The following PSD2 variants were observed in gnomAD, a reference collection of about 807,000 sequenced individuals.
PSD2 encodes PH and SEC7 domain-containing protein 2.
Under a neutral mutation model 69.8 loss-of-function variants are expected in PSD2, and 38 were observed. That is an observed-to-expected ratio of 0.54 (90% CI 0.42 to 0.71). The LOEUF is 0.71. Among genes scored for constraint, PSD2 ranks in the 30% least tolerant of loss-of-function variants. The pLI, the probability that PSD2 is intolerant of heterozygous loss-of-function variation, is 0.00. For missense variants in PSD2, 943 were observed against 1,014.5 expected, an observed-to-expected ratio of 0.93 and a Z score of 0.96; for synonymous variants, 412 against 423.0, an observed-to-expected ratio of 0.97 and a Z score of 0.32.
intron 1 of PSD2, among the ~76,000 whole-genome samples, chr5:139,801,669 A>G (rs1430363001): frequency 1.3e-5 from 2 of 152,074 alleles, no homozygotes; most frequent in African/African-American, 4.8e-5. Flanking sequence ...CAGCCCCCAA[A>G]TTTAAATCCC....
At chr5:139,785,329 T>C in the PSD2 span, among the ~76,000 whole-genome samples, 1 of 151,846 alleles carries the variant, frequency 6.6e-6, no homozygotes, top group Non-Finnish European at 1.5e-5. Flanking sequence ...GTTTAAGCAA[T>C]CCTCCTGCCT....
At position 139,814,068 on chromosome 5, in the gene PSD2, C is replaced by T. The variant is rs1760050716; in HGVS notation, c.822-102C>T. On this transcript the variant is annotated intron_variant, in intron 3 of 14. Transcript: ENST00000274710. The surrounding 1 kb of genome is among the most constrained non-coding windows in gnomAD (Gnocchi z 4.4). Reference sequence around the variant, plus strand: ...GTGGAGCTTCTTTCCCTGTTCTGGCCCCTACATGGTTTGCAGTGGCCTGGG... The same window carrying T: ...GTGGAGCTTCTTTCCCTGTTCTGGCTCCTACATGGTTTGCAGTGGCCTGGG... 2 of 1,113,340 alleles carry T rather than the reference C, an allele frequency of 1.8e-6. No homozygotes were observed. Among genetic ancestry groups the T allele is most frequent in the Admixed American group, 2.3e-5 (1 of 44,440 alleles). The allele number at this position is 1,113,340 out of a possible 1,614,324, so 69.0% of individuals were successfully genotyped here.
the PSD2 span, among the ~76,000 whole-genome samples, chr5:139,779,045 T>G: frequency 6.6e-6 from 1 of 151,526 alleles, no homozygotes; most frequent in African/African-American, 2.4e-5. Flanking sequence ...AAAGGTGCGC[T>G]GCATTTGCCT....
chr5:139,826,235 T>G (rs766053551), intron 7 of PSD2, among the ~76,000 whole-genome samples: 32 of 151,762 alleles, frequency 2.1e-4, no homozygotes, highest in Non-Finnish European at 4.4e-4. Flanking sequence ...GAGGCGAGGG[T>G]GTGGTGGCCA....
At chr5:139,795,324 G>A (rs1264439074), upstream of PSD2, among the ~76,000 whole-genome samples, 2 of 151,788 alleles carry the variant, frequency 1.3e-5, no homozygotes, top group African/African-American at 4.8e-5. The surrounding 1 kb of genome is among the most constrained non-coding windows in gnomAD (Gnocchi z 4.5). Flanking sequence ...CCTTGGCGGC[G>A]TCTCCCGGGG....
intron 2 of PSD2, among the ~76,000 whole-genome samples, chr5:139,811,205 T>A (rs905143875): frequency 3.3e-5 from 5 of 152,194 alleles, no homozygotes; most frequent in Admixed American, 6.5e-5. Context: ...CCTTTTAGAT[T>A]TCTGTCCCCC....
chr5:139,788,371 T>G, the PSD2 span, among the ~76,000 whole-genome samples: 1 of 151,980 alleles, frequency 6.6e-6, no homozygotes, highest in Non-Finnish European at 1.5e-5. Flanking sequence ...AAGGGGAGGG[T>G]CAGTTTCAAC....
the PSD2 span, among the ~76,000 whole-genome samples, chr5:139,755,663 G>C: frequency 1.3e-5 from 2 of 151,512 alleles, no homozygotes; most frequent in Non-Finnish European, 2.9e-5. Context: ...GTGTGTGTGT[G>C]TGTGCGCGCG....
the PSD2 span, among the ~76,000 whole-genome samples, chr5:139,761,392 G>C: frequency 9.2e-5 from 14 of 152,208 alleles, no homozygotes; most frequent in Non-Finnish European, 1.8e-4. Context: ...TTTCTGGCCA[G>C]AGGATCTGGG....
At chr5:139,817,654 C>T in intron 5 of PSD2, 93 bp downstream of exon 5, 1 of 1,129,158 alleles carries the variant, frequency 8.9e-7, no homozygotes, top group Non-Finnish European at 1.3e-6. Context: ...GCTGTACAAC[C>T]TTGGGCAAGT....
chr5:139,836,519 G>A (rs1760722651), intron 9 of PSD2, among the ~76,000 whole-genome samples: 4 of 152,200 alleles, frequency 2.6e-5, no homozygotes, highest in Admixed American at 2.6e-4. Flanking sequence ...GACTAGGAAG[G>A]AGACCTGGTG....
At chr5:139,771,577 A>C in the PSD2 span, among the ~76,000 whole-genome samples, 1 of 152,004 alleles carries the variant, frequency 6.6e-6, no homozygotes, top group South Asian at 2.1e-4. Flanking sequence ...ATGGGGTTTC[A>C]CCGTGTTAAC....
intron 5 of PSD2, among the ~76,000 whole-genome samples, chr5:139,820,668 A>G (rs900075437): frequency 6.6e-6 from 1 of 152,198 alleles, no homozygotes; most frequent in Non-Finnish European, 1.5e-5. Context: ...TGGAGACACC[A>G]ATGGCCTCAG....
At chr5:139,840,373 G>T (rs1760844364) in intron 14 of PSD2, among the ~76,000 whole-genome samples, 1 of 152,184 alleles carries the variant, frequency 6.6e-6, no homozygotes. Flanking sequence ...AGGGGCAGAA[G>T]CTCAGATGAA....
chr5:139,835,725 C>T lies in PSD2; in HGVS notation c.1362C>T (p.Thr454=), dbSNP rs1561607607. ...CCTCTCTCTTTTCCCTCTCCCAGAC[C>T]CTTTACAACTCCATCAAGAATGAAA... ...GQDFAKDLLK[T]LYNSIKNEKL... is the part of the protein sequence containing the mutation. The change falls in exon 9 of 15, where the codon ACC becomes ACT. Residue 454 remains threonine (T), a splice_region_variant and synonymous_variant. Transcript: ENST00000274710. 1 of 1,614,068 alleles carries T rather than the reference C, an allele frequency of 6.2e-7. No homozygotes were observed.
the PSD2 span, among the ~76,000 whole-genome samples, chr5:139,786,190 GCCTGAGCAACATAGTGAAAC>G: frequency 6.6e-6 from 1 of 152,134 alleles, no homozygotes; most frequent in Non-Finnish European, 1.5e-5. Flanking sequence ...TTTGAGATCG[GCCTGAGCAACATAGTGAAAC>G]CCTGTCTCTA....
chr5:139,764,151 T>C, the PSD2 span, among the ~76,000 whole-genome samples: 7 of 152,262 alleles, frequency 4.6e-5, no homozygotes. Flanking sequence ...GTGGCTGTTG[T>C]TGGGGTCACA....
At chr5:139,747,673 G>T in the PSD2 span, among the ~76,000 whole-genome samples, 1 of 152,334 alleles carries the variant, frequency 6.6e-6, no homozygotes, top group South Asian at 2.1e-4. The surrounding 1 kb of genome is among the most constrained non-coding windows in gnomAD (Gnocchi z 6.7). Flanking sequence ...TGAGAATCCC[G>T]CCCATCTGTG....
chr5:139,786,594 A>C, the PSD2 span, among the ~76,000 whole-genome samples: 1 of 151,974 alleles, frequency 6.6e-6, no homozygotes, highest in Non-Finnish European at 1.5e-5. Flanking sequence ...GTGGTGGATC[A>C]CCTGCGGCTG....
Sources: allele counts gnomAD v4.1 joint callset (sites outside exome capture counted in the v4.1 genomes callset), GRCh38; gene constraint gnomAD v4.1.1; non-coding constraint Gnocchi (gnomAD v3.1); transcripts MANE v1.5; gene names NCBI Gene and HGNC (gene_info 2026-07-23, HGNC 2026-07-21).